The following NRG3 variants were observed in gnomAD, a reference collection of about 807,000 sequenced individuals.
NRG3 encodes neuregulin 3.
Under a neutral mutation model 66.9 loss-of-function variants are expected in NRG3, and 31 were observed. The ratio of observed to expected loss-of-function variants is 0.46; its 90% CI spans 0.35 to 0.63. The LOEUF is 0.63. NRG3 is among the 20% of genes least tolerant of loss of function. The pLI is 0.00. For missense variants in NRG3, 910 were observed against 878.9 expected, an observed-to-expected ratio of 1.04 and a Z score of -0.45; for synonymous variants, 393 against 359.4, an observed-to-expected ratio of 1.09 and a Z score of -1.06.
chr10:82,839,867 T>C (rs1299724322), intron 3 of NRG3, among the ~76,000 whole-genome samples: 2 of 152,080 alleles, frequency 1.3e-5, no homozygotes, highest in African/African-American at 2.4e-5. Flanking sequence ...AAACAATCAC[T>C]CTGCTGATTT....
At chr10:82,865,611 T>C (rs1039798813) in intron 4 of NRG3, among the ~76,000 whole-genome samples, 174 bp downstream of exon 4, 4 of 152,176 alleles carry the variant, frequency 2.6e-5, no homozygotes, top group Non-Finnish European at 4.4e-5. Flanking sequence ...AATGAAATAA[T>C]TAACTACTTA....
chr10:82,410,593 GGA>G (rs2087998376), intron 2 of NRG3, among the ~76,000 whole-genome samples: 1 of 151,568 alleles, frequency 6.6e-6, no homozygotes, highest in African/African-American at 2.4e-5. Flanking sequence ...GGGATTTGGG[GGA>G]GAAGAGTGAT....
intron 1 of NRG3, among the ~76,000 whole-genome samples, chr10:81,974,801 A>C (rs2060057570): frequency 6.6e-6 from 1 of 152,140 alleles, no homozygotes; most frequent in Non-Finnish European, 1.5e-5. Context: ...ACTAACTCTA[A>C]GTTCCTGAAA....
chr10:82,695,082 C>T (rs2055266902), intron 2 of NRG3, among the ~76,000 whole-genome samples: 1 of 152,050 alleles, frequency 6.6e-6, no homozygotes, highest in African/African-American at 2.4e-5. Context: ...ACACAAATGA[C>T]TTCAATTTAC....
At chr10:82,929,115 G>A (rs186225494) in intron 4 of NRG3, among the ~76,000 whole-genome samples, 1 of 152,238 alleles carries the variant, frequency 6.6e-6, no homozygotes, top group Non-Finnish European at 1.5e-5. Context: ...GGTGAGAATG[G>A]CACTCTCATC....
At chr10:82,719,945 C>T (rs545462416) in intron 2 of NRG3, among the ~76,000 whole-genome samples, 13 of 152,272 alleles carry the variant, frequency 8.5e-5, no homozygotes, top group Middle Eastern at 3.4e-3. Context: ...AAATCTAAAT[C>T]TATATTAAAT....
chr10:82,325,387 G>A (rs781034731), intron 1 of NRG3, among the ~76,000 whole-genome samples: 9 of 151,864 alleles, frequency 5.9e-5, no homozygotes, highest in Non-Finnish European at 1.2e-4. Flanking sequence ...ACAAGGACTC[G>A]CTGTGTTGCC....
intron 1 of NRG3, among the ~76,000 whole-genome samples, chr10:81,987,978 C>T (rs769152525): frequency 6.6e-6 from 1 of 152,144 alleles, no homozygotes; most frequent in Non-Finnish European, 1.5e-5. Flanking sequence ...AATCAAGATA[C>T]AAGATTCACT....
At chr10:82,876,803 G>A (rs983675302) in intron 4 of NRG3, among the ~76,000 whole-genome samples, 99 of 151,966 alleles carry the variant, frequency 6.5e-4, no homozygotes, top group African/African-American at 2.2e-3. Context: ...CAGGTGGATC[G>A]CTTGAGGTCA....
At chr10:82,174,829 C>A (rs1407926488) in intron 1 of NRG3, among the ~76,000 whole-genome samples, 2 of 152,064 alleles carry the variant, frequency 1.3e-5, no homozygotes, top group Admixed American at 1.3e-4. Flanking sequence ...ATGCTGTATC[C>A]TCAATCCCAG....
At chr10:81,920,963 A>G (rs1846196795) in intron 1 of NRG3, among the ~76,000 whole-genome samples, 1 of 152,116 alleles carries the variant, frequency 6.6e-6, no homozygotes, top group African/African-American at 2.4e-5. Flanking sequence ...ATGTTTACTT[A>G]TATTCATAAT....
At chr10:81,940,395 G>A (rs973979809) in intron 1 of NRG3, among the ~76,000 whole-genome samples, 4 of 152,040 alleles carry the variant, frequency 2.6e-5, no homozygotes, top group African/African-American at 7.2e-5. Flanking sequence ...TTCCCAGGCT[G>A]GGGTACAATA....
chr10:82,173,312 T>C (rs1258341580), intron 1 of NRG3, among the ~76,000 whole-genome samples: 1 of 151,986 alleles, frequency 6.6e-6, no homozygotes, highest in Non-Finnish European at 1.5e-5. Flanking sequence ...GTTTGACAGT[T>C]TTACATTAGC....
chr10:82,857,973 A>G (rs911739579), intron 3 of NRG3, among the ~76,000 whole-genome samples: 1 of 152,104 alleles, frequency 6.6e-6, no homozygotes, highest in African/African-American at 2.4e-5. Context: ...CCTGGAAAGG[A>G]GCTTTTCTGC....
At chr10:82,724,303 C>T (rs1446002519) in intron 2 of NRG3, among the ~76,000 whole-genome samples, 3 of 151,584 alleles carry the variant, frequency 2.0e-5, no homozygotes, top group East Asian at 1.9e-4. Flanking sequence ...ACTTTCCATT[C>T]GGTCCAAAGC....
intron 2 of NRG3, among the ~76,000 whole-genome samples, chr10:82,586,254 A>C (rs529199695): frequency 2.7e-5 from 4 of 149,486 alleles, no homozygotes; most frequent in South Asian, 2.1e-4. Context: ...AAAAAAAAAA[A>C]CAAGAAAACG....
chr10:82,216,576 GT>G lies in NRG3; in HGVS notation c.824-142162del, dbSNP rs1397307848. On this transcript the variant is annotated intron_variant, in intron 1 of 8. Transcript: ENST00000372141. ...TACATATGTATGTATATATCTGGGT[GT>G]GTGTGTGTGTGTGTGTGTATAGATA... Among the ~76,000 whole-genome samples, 21 of 136,390 alleles carry G rather than the reference GT, an allele frequency of 1.5e-4. No individual in the cohort carries two copies. In the East Asian group the frequency reaches 2.8e-3, roughly 18 times the overall value. The allele number at this position is 136,390 out of a possible 152,430, so 89.5% of individuals were successfully genotyped here.
intron 1 of NRG3, among the ~76,000 whole-genome samples, chr10:81,979,419 A>G (rs1188017581): frequency 1.3e-5 from 2 of 152,168 alleles, no homozygotes; most frequent in African/African-American, 2.4e-5. Flanking sequence ...CTAGAGAGCT[A>G]TGAAGGAACT....
At chr10:82,534,243 A>G (rs1470970200) in intron 2 of NRG3, among the ~76,000 whole-genome samples, 1 of 150,758 alleles carries the variant, frequency 6.6e-6, no homozygotes, top group Non-Finnish European at 1.5e-5. Context: ...GGTATTTTCT[A>G]CCAGTAATAG....
Sources: allele counts gnomAD v4.1 joint callset (sites outside exome capture counted in the v4.1 genomes callset), GRCh38; gene constraint gnomAD v4.1.1; transcripts MANE v1.5; gene names NCBI Gene and HGNC (gene_info 2026-07-23, HGNC 2026-07-21).